HOPX: variants seen among roughly 807,000 people sequenced by gnomAD.
HOPX encodes the protein homeodomain-only protein.
Under a neutral mutation model 11.8 loss-of-function variants are expected in HOPX, and 5 were observed. The observed-to-expected ratio is 0.43, with a 90% CI of 0.22 to 0.89. The LOEUF is 0.89. HOPX is among the 40% of genes least tolerant of loss of function. The probability of loss-of-function intolerance (pLI) is 0.28; values close to 1 mark genes in which losing one functional copy is unlikely to be tolerated. For missense variants in HOPX, 119 were observed against 120.0 expected (o/e 0.99, Z 0.04); for synonymous variants, 49 against 49.7 (o/e 0.99, Z 0.06).
At chr4:56,678,476 T>C (rs1049757171) in intron 1 of HOPX, among the ~76,000 whole-genome samples, 2 of 145,714 alleles carry the variant, frequency 1.4e-5, no homozygotes, top group Admixed American at 1.4e-4. Context: ...GACGGAGTCT[T>C]GCTCTGCCAC....
At chr4:56,669,692 A>ATAG (rs1718633549) in intron 1 of HOPX, among the ~76,000 whole-genome samples, 1 of 108,598 alleles carries the variant, frequency 9.2e-6, no homozygotes, top group South Asian at 2.8e-4. Context: ...AATAATAATA[A>ATAG]TAATAATAAT....
chr4:56,655,780 C>A (rs1717634320), intron 3 of HOPX, 77 bp downstream of exon 3: 1 of 1,497,366 alleles, frequency 6.7e-7, no homozygotes, highest in South Asian at 1.2e-5. Context: ...GAGGCGCGGA[C>A]GAACAGGACC....
intron 3 of HOPX, among the ~76,000 whole-genome samples, chr4:56,651,871 A>T (rs28530726): frequency 0.37 from 40,707 of 109,454 alleles, 5,958 homozygotes; most frequent in African/African-American, 0.48. Flanking sequence ...AGAGAGAGAG[A>T]GAGTGTGTGT....
Position 56,675,188 on chromosome 4 carries a change from A to G in HOPX, c.-84+6067T>C, listed in dbSNP as rs911022231. 2.0e-5 allele frequency among the ~76,000 whole-genome samples: 3 copies of G among 151,490 alleles called. 1 individual carries two copies. Among genetic ancestry groups the G allele is most frequent in the African/African-American group, 7.3e-5 (3 of 40,824 alleles). On this transcript the variant is annotated intron_variant, in intron 1 of 3. Transcript: ENST00000420433. The stretch of plus-strand genomic sequence containing the variant: ...CCAGTTCTCAGCCTTGGCGGGAGGG[A>G]TACAATGCTTCCCACAGGAACCCTG...
chr4:56,652,508 A>G (rs886696555), intron 3 of HOPX, among the ~76,000 whole-genome samples: 1 of 152,164 alleles, frequency 6.6e-6, no homozygotes, highest in Admixed American at 6.5e-5. Context: ...CAACACTAGT[A>G]AGAACAGAGA....
chr4:56,672,154 T>G lies in HOPX; in HGVS notation c.-84+9101A>C, dbSNP rs566867796. 2.0e-5 allele frequency among the ~76,000 whole-genome samples: 3 copies of G among 152,228 alleles called. No homozygotes were observed. In the South Asian group the frequency reaches 6.2e-4, roughly 32 times the overall value. On this transcript the variant is annotated intron_variant, in intron 1 of 3. Transcript: ENST00000420433. ...CACTCAACCTCATGACTAATAAGAT[T>G]TCTTAGAACATTTCATTTGCTTTTT...
Position 56,655,888 on chromosome 4 carries a change from G to A in HOPX, c.167C>T (p.Ala56Val), listed in dbSNP as rs752905777. Residue 56 changes from alanine (A) to valine (V), a missense_variant, in exon 3 of 4, where the codon GCC becomes GTC. Ala to Val is a moderately conservative substitution (Grantham distance 64, BLOSUM62 0). Transcript: ENST00000420433. Reference protein sequence around the residue: ...PDSTTLCLIAAEAGLSEEETQ... With the variant: ...PDSTTLCLIAVEAGLSEEETQ... ...CTCCTCCTCGGAAAGGCCTGCCTCG[G>A]CCGCGATGAGGCACAGCGTGGTGGA... The A allele has an allele frequency of 6.8e-6, 11 of 1,611,934 alleles. No individual in the cohort carries two copies. The Admixed American group carries it at 1.0e-4, about 15-fold the overall frequency.
chr4:56,656,146 A>C, intron 2 of HOPX, 134 bp from the exon 3 acceptor site: 3 of 1,176,644 alleles, frequency 2.5e-6, no homozygotes, highest in Non-Finnish European at 3.3e-6. Flanking sequence ...CGGCCGCGCA[A>C]GTCCCCGGTG....
chr4:56,678,190 T>G (rs567633907), intron 1 of HOPX, among the ~76,000 whole-genome samples: 2 of 151,524 alleles, frequency 1.3e-5, no homozygotes, highest in South Asian at 4.2e-4. Context: ...TTTGAGCCTC[T>G]GTTGCTGTGT....
chr4:56,674,952 C>T (rs1301457532), intron 1 of HOPX, among the ~76,000 whole-genome samples: 1 of 148,372 alleles, frequency 6.7e-6, no homozygotes, highest in East Asian at 2.0e-4. Context: ...AGATGAGGCT[C>T]AAACAATCCT....
At chr4:56,648,885 C>T (rs1430669401) in intron 3 of HOPX, 88 bp from the exon 4 acceptor site, 3 of 1,003,490 alleles carry the variant, frequency 3.0e-6, no homozygotes, top group African/African-American at 1.6e-5. Flanking sequence ...CTCTGTGGCA[C>T]AAGTGGAAAG....
intron 1 of HOPX, among the ~76,000 whole-genome samples, chr4:56,674,097 G>C (rs954655400): frequency 6.6e-6 from 1 of 151,572 alleles, no homozygotes; most frequent in Non-Finnish European, 1.5e-5. Context: ...CCTGAGCCAG[G>C]TACAGTGTAT....
chr4:56,654,427 TA>T (rs1285881783), intron 3 of HOPX, among the ~76,000 whole-genome samples: 1 of 152,220 alleles, frequency 6.6e-6, no homozygotes, highest in Non-Finnish European at 1.5e-5. Flanking sequence ...TTTTAAAAGA[TA>T]AGTTGTCTCC....
At position 56,672,301 on chromosome 4, in the gene HOPX, G is replaced by A. The variant is rs111497318; in HGVS notation, c.-84+8954C>T. Among the ~76,000 whole-genome samples, 151 of 151,990 alleles carry A rather than the reference G, an allele frequency of 9.9e-4. 2 individuals are homozygous for A. The highest frequency in any genetic ancestry group is 3.5e-3 in the African/African-American group (144 of 41,384). On this transcript the variant is annotated intron_variant, in intron 1 of 3. Transcript: ENST00000420433. ...TGCCTGTAATCCCAGCACTTTGGGA[G>A]GCTGAGGTGGGAGGATCACTTGAAG...
At chr4:56,657,591 C>CA (rs1437839658) in intron 2 of HOPX, among the ~76,000 whole-genome samples, 184 bp downstream of exon 2, 1 of 152,130 alleles carries the variant, frequency 6.6e-6, no homozygotes, top group African/African-American at 2.4e-5. Flanking sequence ...GCCAAGCCAC[C>CA]ATGAAATCCC....
chr4:56,680,481 G>A (rs1290474773), intron 1 of HOPX: 1 of 152,104 alleles, frequency 6.6e-6, no homozygotes, highest in Non-Finnish European at 1.5e-5. Flanking sequence ...ACACACTACA[G>A]GGCCCTGTCC....
intron 2 of HOPX, 171 bp from the exon 3 acceptor site, chr4:56,656,183 C>T: frequency 9.0e-7 from 1 of 1,105,454 alleles, no homozygotes; most frequent in Non-Finnish European, 1.2e-6. Context: ...GGGCTTACGG[C>T]TGCCCCCCAC....
intron 1 of HOPX, among the ~76,000 whole-genome samples, chr4:56,670,148 C>G (rs970668597): frequency 3.3e-5 from 5 of 152,150 alleles, no homozygotes; most frequent in African/African-American, 4.8e-5. Flanking sequence ...CATTACATCT[C>G]CAACAGAGTC....
chr4:56,681,587 G>C, upstream of HOPX: 1 of 1,000,198 alleles, frequency 1.0e-6, no homozygotes, highest in Non-Finnish European at 1.2e-6. Flanking sequence ...TAGGATAAGA[G>C]AGATGTGGCT....
Sources: allele counts gnomAD v4.1 joint callset (sites outside exome capture counted in the v4.1 genomes callset), GRCh38; gene constraint gnomAD v4.1.1; transcripts MANE v1.5; gene names NCBI Gene and HGNC (gene_info 2026-07-23, HGNC 2026-07-21).